Variants in SH3RF2 observed in about 807,000 individuals in gnomAD.
SH3RF2 encodes SH3 domain containing ring finger 2.
SH3RF2 carries 43 observed loss-of-function variants against 59.0 expected under a neutral mutation model. The ratio of observed to expected loss-of-function variants is 0.73; its 90% confidence interval spans 0.57 to 0.94. The LOEUF (loss-of-function observed/expected upper bound fraction) is 0.94, where lower values mean the gene tolerates loss of function less well. SH3RF2 is among the 40% of genes least tolerant of loss of function. The pLI is 0.00. For synonymous variants in SH3RF2, 391 were observed against 391.5 expected (o/e 1.00, Z 0.01); for missense variants, 930 against 940.1 (o/e 0.99, Z 0.14).
At chr5:145,953,500 T>C (rs940328405) in intron 2 of SH3RF2, among the ~76,000 whole-genome samples, 2 of 152,150 alleles carry the variant, frequency 1.3e-5, no homozygotes, top group Non-Finnish European at 2.9e-5. Context: ...CCATGGTAAT[T>C]GTGTTAGGCC....
In SH3RF2 at chr5:145,988,815, G is replaced by T. The variant is rs540091764; in HGVS notation, c.379-11243G>T. ...AAGGCCAGGTGGATCTGATCCTCCT[G>T]TTGGGTGAGCACTGGGGTTTGCATA... On this transcript the variant is annotated intron_variant, in intron 2 of 9. Transcript: ENST00000359120. Among the ~76,000 whole-genome samples, 9 of 152,284 alleles carry T rather than the reference G, an allele frequency of 5.9e-5. 1 individual carries two copies. Among genetic ancestry groups the T allele is most frequent in the African/African-American group, 1.9e-4 (8 of 41,550 alleles).
At position 146,060,190 on chromosome 5, in the gene SH3RF2, T is replaced by C. The variant is rs1332825604; in HGVS notation, c.1880T>C (p.Val627Ala). Residue 627 changes from valine (V) to alanine (A), a missense_variant, in exon 9 of 10, where the codon GTG becomes GCG. Physicochemically the swap from Val to Ala is moderately conservative, Grantham distance 64 (BLOSUM62 0). Transcript: ENST00000359120. ...PPASAPPSIL[V>A]KPENSRNGIE... ...GCATCTGCCCCACCATCCATCCTGG[T>C]GAAACCAGAAAACTCAAGAAATGGC... is the stretch of plus-strand genomic sequence containing the variant. 7 of 1,611,368 alleles carry C rather than the reference T, an allele frequency of 4.3e-6. No homozygotes were observed. Among genetic ancestry groups the C allele is most frequent in the Non-Finnish European group, 5.9e-6 (7 of 1,178,870 alleles).
chr5:146,040,812 C>T lies in SH3RF2; in HGVS notation c.1060-6960C>T, dbSNP rs943339316. Among the ~76,000 whole-genome samples, 36 of 152,010 alleles carry T rather than the reference C, an allele frequency of 2.4e-4. 1 individual carries two copies. Among genetic ancestry groups the T allele is most frequent in the Admixed American group, 5.9e-4 (9 of 15,266 alleles). On this transcript the variant is annotated intron_variant, in intron 5 of 9. Coordinates refer to ENST00000359120, the MANE Select transcript of SH3RF2 (RefSeq NM_152550.4). ...CAGGCAGGGCTGGCTCTGAAATAGGCGTAGATAGAGAAGGGCTGATAGCCT... is the reference window on the plus strand; with the variant it reads ...CAGGCAGGGCTGGCTCTGAAATAGGTGTAGATAGAGAAGGGCTGATAGCCT...
At chr5:145,990,236 A>T (rs773298046) in intron 2 of SH3RF2, among the ~76,000 whole-genome samples, 13 of 152,194 alleles carry the variant, frequency 8.5e-5, no homozygotes, top group Non-Finnish European at 1.5e-4. Flanking sequence ...TCTTTCAGGA[A>T]AGTGCGTCTA....
downstream of SH3RF2, among the ~76,000 whole-genome samples, chr5:146,064,844 GAAA>G: frequency 6.4e-5 from 1 of 15,640 alleles, no homozygotes; most frequent in Admixed American, 1.5e-3. Context: ...AAGAAAGAAA[GAAA>G]GAAAGAAAGA....
At chr5:146,016,825 C>T (rs928709471) in intron 5 of SH3RF2, among the ~76,000 whole-genome samples, 1 of 152,172 alleles carries the variant, frequency 6.6e-6, no homozygotes, top group Non-Finnish European at 1.5e-5. Flanking sequence ...CCACCCACCC[C>T]CTCAGTAAAG....
chr5:145,972,792 AG>A, intron 2 of SH3RF2, among the ~76,000 whole-genome samples: 1 of 152,276 alleles, frequency 6.6e-6, no homozygotes, highest in African/African-American at 2.4e-5. Context: ...ATTTGGTAAA[AG>A]GACCTTGAGG....
intron 4 of SH3RF2, among the ~76,000 whole-genome samples, chr5:146,010,294 T>C (rs1760826640): frequency 1.3e-5 from 2 of 152,206 alleles, no homozygotes; most frequent in South Asian, 4.1e-4. Context: ...GACATTTGGA[T>C]TGGTTCCAAG....
intron 5 of SH3RF2, among the ~76,000 whole-genome samples, chr5:146,037,353 G>A (rs1377144113): frequency 2.0e-5 from 3 of 152,168 alleles, no homozygotes; most frequent in African/African-American, 4.8e-5. Context: ...TCTGTTAGCC[G>A]TGGCTGCATA....
rs77933342 is a variant in SH3RF2, at chr5:146,016,107, C to T, written c.1059+2046C>T. 1.4e-4 allele frequency among the ~76,000 whole-genome samples: 21 copies of T among 152,174 alleles called. No homozygotes were observed. The East Asian group carries it at 3.3e-3, about 24-fold the overall frequency. On this transcript the variant is annotated intron_variant, in intron 5 of 9. Transcript: ENST00000359120. ...TAAATCAAGGAATCAAGACTTTTAA[C>T]GTAAATATCTGGGCAGGTGGTGGTG... is the stretch of plus-strand genomic sequence containing the variant.
chr5:146,062,188 G>T lies in SH3RF2; in HGVS notation c.1915-238G>T, dbSNP rs976549076. Among the ~76,000 whole-genome samples the T allele has an allele frequency of 4.6e-5, 7 of 152,120 alleles. No individual in the cohort carries two copies. The South Asian group carries it at 1.5e-3, about 32-fold the overall frequency. ...CCAGATAAGTCCTAATCCTTTTGTG[G>T]TTCTCAATTTAAAGCTTCTGGGAAG... On this transcript the variant is annotated intron_variant, in intron 9 of 9. Transcript: ENST00000359120.
intron 2 of SH3RF2, among the ~76,000 whole-genome samples, chr5:145,962,103 A>G (rs1361234226): frequency 3.3e-5 from 5 of 152,224 alleles, no homozygotes; most frequent in Admixed American, 6.5e-5. Flanking sequence ...GGAGACTCCA[A>G]TTAGCTTACC....
At chr5:146,055,798 G>A (rs996198861) in intron 7 of SH3RF2, 183 bp from the exon 8 acceptor site, 9 of 644,382 alleles carry the variant, frequency 1.4e-5, no homozygotes, top group African/African-American at 3.7e-5. Flanking sequence ...CCGGGTGTAG[G>A]GAGGTGGGGC....
intron 2 of SH3RF2, among the ~76,000 whole-genome samples, chr5:145,949,038 A>G (rs1393821608): frequency 6.6e-6 from 1 of 152,222 alleles, no homozygotes; most frequent in Admixed American, 6.5e-5. Flanking sequence ...AGCTCCTGGT[A>G]TCTTCCCTTG....
At chr5:145,998,281 TAAAAA>T (rs35018423) in intron 2 of SH3RF2, among the ~76,000 whole-genome samples, 2 of 140,344 alleles carry the variant, frequency 1.4e-5, no homozygotes, top group African/African-American at 5.3e-5. Context: ...GGCCCATAGT[TAAAAA>T]AAAAAAAAAA....
intron 2 of SH3RF2, among the ~76,000 whole-genome samples, chr5:145,970,784 T>C (rs934348955): frequency 1.3e-5 from 2 of 150,376 alleles, no homozygotes; most frequent in African/African-American, 5.0e-5. Context: ...ACTACATGAG[T>C]TTAGAGCTGT....
intron 2 of SH3RF2, among the ~76,000 whole-genome samples, chr5:145,994,889 A>G (rs924469406): frequency 2.0e-5 from 3 of 152,388 alleles, no homozygotes; most frequent in Middle Eastern, 3.4e-3. Flanking sequence ...AGAAGCACTC[A>G]GTAAAGGTTA....
chr5:146,037,700 C>T (rs1761987296), intron 5 of SH3RF2, among the ~76,000 whole-genome samples: 1 of 152,162 alleles, frequency 6.6e-6, no homozygotes, highest in African/African-American at 2.4e-5. Flanking sequence ...TTAAAATCTT[C>T]CTATACAGAA....
At chr5:145,960,824 G>T (rs970502240) in intron 2 of SH3RF2, among the ~76,000 whole-genome samples, 1 of 152,136 alleles carries the variant, frequency 6.6e-6, no homozygotes, top group African/African-American at 2.4e-5. Context: ...ATTGCTATTG[G>T]CACATAAAGA....
Sources: allele counts gnomAD v4.1 joint callset (sites outside exome capture counted in the v4.1 genomes callset), GRCh38; gene constraint gnomAD v4.1.1; transcripts MANE v1.5; gene names NCBI Gene and HGNC (gene_info 2026-07-23, HGNC 2026-07-21).